Variants in REPS2 observed in about 807,000 individuals in gnomAD.
REPS2 encodes RALBP1 associated Eps domain containing 2.
REPS2 carries 23 observed loss-of-function variants against 53.6 expected under a neutral mutation model. That is an observed-to-expected ratio of 0.43 (90% CI 0.31 to 0.61). The LOEUF (loss-of-function observed/expected upper bound fraction) is 0.61, where lower values mean the gene tolerates loss of function less well. Among genes scored for constraint, REPS2 ranks in the 20% least tolerant of loss-of-function variants. The pLI, the probability that REPS2 is intolerant of heterozygous loss-of-function variation, is 0.11. For missense variants in REPS2, 446 were observed against 534.9 expected (o/e 0.83, Z 1.64); for synonymous variants, 238 against 218.6 (o/e 1.09, Z -0.78).
In REPS2 at chrX:16,993,049, G is replaced by A. The variant is rs111301951; in HGVS notation, c.274-13172G>A. Among the ~76,000 whole-genome samples the A allele has an allele frequency of 4.6e-3, 521 of 112,104 alleles. 2 individuals are homozygous for A. The highest frequency in any genetic ancestry group is 0.016 in the African/African-American group (500 of 30,896). On this transcript the variant is annotated intron_variant, in intron 1 of 17. Coordinates refer to ENST00000357277, the MANE Select transcript of REPS2 (RefSeq NM_004726.3). ...GACTATAGTCCATGCTCTTTAGTAC[G>A]TCCTGCAGGATAAGAGATCCAAGGG...
At chrX:17,105,361 G>A (rs761402057) in intron 14 of REPS2, among the ~76,000 whole-genome samples, 53 of 112,398 alleles carry the variant, frequency 4.7e-4, no homozygotes, top group African/African-American at 1.7e-3. Context: ...GGGCTTGAGA[G>A]CCACCTGGTT....
chrX:17,178,072 G>A, the REPS2 span, among the ~76,000 whole-genome samples: 711 of 112,139 alleles, frequency 6.3e-3, 18 homozygotes, highest in East Asian at 0.093. Flanking sequence ...ACTAAAAGTA[G>A]TAAACCCCCA....
At chrX:17,188,445 C>T in the REPS2 span, among the ~76,000 whole-genome samples, 1 of 111,801 alleles carries the variant, frequency 8.9e-6, no homozygotes, top group Non-Finnish European at 1.9e-5. Flanking sequence ...CAAGGACATC[C>T]CCAGCCAGAT....
chrX:17,074,711 G>A (rs2062355722), intron 12 of REPS2: 1 of 112,167 alleles, frequency 8.9e-6, no homozygotes, highest in Non-Finnish European at 1.9e-5. Context: ...AGGCAGAGCT[G>A]TGGTTGATGT....
chrX:17,002,479 TG>T (rs368902870), intron 1 of REPS2, among the ~76,000 whole-genome samples: 37 of 111,925 alleles, frequency 3.3e-4, no homozygotes, highest in African/African-American at 1.1e-3. Flanking sequence ...TAATCAGATA[TG>T]GGGGTTCATG....
At chrX:16,952,105 TG>T (rs2060521899) in intron 1 of REPS2, among the ~76,000 whole-genome samples, 1 of 111,980 alleles carries the variant, frequency 8.9e-6, no homozygotes, top group African/African-American at 3.3e-5. Context: ...ACTTTAGTTC[TG>T]GGATACACTT....
At chrX:17,191,944 G>C in the REPS2 span, among the ~76,000 whole-genome samples, 6 of 112,447 alleles carry the variant, frequency 5.3e-5, no homozygotes, top group Non-Finnish European at 1.1e-4. Flanking sequence ...ACTGCGTCTT[G>C]ATTATGGTGG....
intron 13 of REPS2, among the ~76,000 whole-genome samples, chrX:17,087,917 ACT>A (rs2062559057): frequency 1.0e-5 from 1 of 97,572 alleles, no homozygotes; most frequent in Non-Finnish European, 2.1e-5. Context: ...ACAGAGTGAG[ACT>A]CTGTCGATAG....
intron 13 of REPS2, 55 bp downstream of exon 13, chrX:17,077,462 G>T (rs183529833): frequency 1.4e-4 from 153 of 1,114,852 alleles, no homozygotes; most frequent in Non-Finnish European, 1.7e-4. Flanking sequence ...GCCAGCGGAT[G>T]TGTGTCTGCC....
At chrX:17,146,649 C>T (rs546401610) in intron 17 of REPS2, among the ~76,000 whole-genome samples, 13 of 111,846 alleles carry the variant, frequency 1.2e-4, no homozygotes, top group Middle Eastern at 9.1e-3. Flanking sequence ...AAGAGACTTC[C>T]GGCTGGGTGG....
the REPS2 span, among the ~76,000 whole-genome samples, chrX:17,191,355 C>T: frequency 2.1e-3 from 239 of 112,127 alleles, 3 homozygotes; most frequent in Admixed American, 0.022. Context: ...CATCATTAGT[C>T]ATTGGGGAAA....
intron 14 of REPS2, among the ~76,000 whole-genome samples, chrX:17,125,181 T>C (rs1390167253): frequency 9.0e-6 from 1 of 111,344 alleles, no homozygotes; most frequent in African/African-American, 3.3e-5. Flanking sequence ...GATTTGACTT[T>C]TTTTTTGGTT....
intron 1 of REPS2, among the ~76,000 whole-genome samples, chrX:17,002,280 G>C (rs1194403792): frequency 9.0e-6 from 1 of 111,154 alleles, no homozygotes; most frequent in Non-Finnish European, 1.9e-5. Flanking sequence ...GTGCATTGCT[G>C]CTCAGTTCTT....
intron 2 of REPS2, among the ~76,000 whole-genome samples, chrX:17,008,179 G>C (rs1204186238): frequency 8.9e-6 from 1 of 112,379 alleles, no homozygotes; most frequent in Admixed American, 9.4e-5. Flanking sequence ...GCTTTGATTA[G>C]TTGAAAGTTG....
chrX:17,182,245 A>G, the REPS2 span, among the ~76,000 whole-genome samples: 11 of 110,341 alleles, frequency 1.0e-4, no homozygotes, highest in East Asian at 2.8e-3. Context: ...TGCCCATGTA[A>G]GAAGTCTGGC....
At chrX:17,072,165 G>A (rs2062315877) in intron 11 of REPS2, among the ~76,000 whole-genome samples, 2 of 111,941 alleles carry the variant, frequency 1.8e-5, no homozygotes, top group South Asian at 7.4e-4. Context: ...CTCCTTTGCT[G>A]TCCTAGAAGA....
rs1290762033 is a variant in REPS2 at position 17,102,037 on chromosome X, T to C, written c.1517-1681T>C. On this transcript the variant is annotated intron_variant, in intron 13 of 17. Coordinates refer to ENST00000357277, the MANE Select transcript of REPS2 (RefSeq NM_004726.3). ...ATTTATTTTATTTTATTTTATGTTATGTTATGTTATGTTATGTTATGTTAT... is the reference window on the plus strand; with the variant it reads ...ATTTATTTTATTTTATTTTATGTTACGTTATGTTATGTTATGTTATGTTAT... Among the ~76,000 whole-genome samples the C allele has an allele frequency of 5.0e-5, 3 of 59,770 alleles. No individual in the cohort carries two copies. The East Asian group carries it at 2.7e-3, about 54-fold the overall frequency. The allele number at this position is 59,770 out of a possible 115,157, so 51.9% of individuals were successfully genotyped here.
chrX:17,012,795 C>G (rs775392745), intron 2 of REPS2, among the ~76,000 whole-genome samples: 1 of 111,685 alleles, frequency 9.0e-6, no homozygotes, highest in Non-Finnish European at 1.9e-5. Flanking sequence ...GTTAAGTGTC[C>G]TTTGTGAAAC....
intron 8 of REPS2, among the ~76,000 whole-genome samples, 181 bp downstream of exon 8, chrX:17,055,131 T>G (rs1003829209): frequency 7.5e-4 from 72 of 96,269 alleles, no homozygotes; most frequent in East Asian, 3.3e-4. Context: ...ATGTGTTTTT[T>G]GGCTGCATAA....
Sources: allele counts gnomAD v4.1 joint callset (sites outside exome capture counted in the v4.1 genomes callset), GRCh38; gene constraint gnomAD v4.1.1; transcripts MANE v1.5; gene names NCBI Gene and HGNC (gene_info 2026-07-23, HGNC 2026-07-21).